The following ARHGEF38 variants were observed in gnomAD, a reference collection of about 807,000 sequenced individuals.
The protein encoded by ARHGEF38 is Rho guanine nucleotide exchange factor (GEF) 38.
ARHGEF38 carries 79 observed loss-of-function variants against 79.9 expected under a neutral mutation model. That is an observed-to-expected ratio of 0.99 (90% CI 0.82 to 1.19). The LOEUF (loss-of-function observed/expected upper bound fraction) is 1.19. ARHGEF38 is among the 50% of genes most tolerant of loss of function. ARHGEF38 has a pLI of 0.00. For synonymous variants in ARHGEF38, 366 were observed against 328.3 expected, an observed-to-expected ratio of 1.11 and a Z score of -1.24; for missense variants, 962 against 907.2, an observed-to-expected ratio of 1.06 and a Z score of -0.78.
At chr4:105,575,035 CA>C (rs1292008693) in intron 1 of ARHGEF38, among the ~76,000 whole-genome samples, 1 of 151,520 alleles carries the variant, frequency 6.6e-6, no homozygotes, top group Admixed American at 6.6e-5. Flanking sequence ...CACACACACA[CA>C]CCATATTTTC....
chr4:105,658,860 A>G (rs1407710517), intron 9 of ARHGEF38, among the ~76,000 whole-genome samples, 194 bp from the exon 10 acceptor site: 1 of 152,208 alleles, frequency 6.6e-6, no homozygotes, highest in Non-Finnish European at 1.5e-5. Context: ...GTTACAACCT[A>G]GAGCTCCTGT....
rs745866842 is a variant in ARHGEF38, at chr4:105,552,844, T to C, written c.79T>C (p.Tyr27His). 3.1e-6 allele frequency: 5 copies of C among 1,613,796 alleles called. No individual in the cohort carries two copies. The highest frequency in any genetic ancestry group is 2.2e-5 in the East Asian group (1 of 44,886). The change falls in exon 1 of 14, where the codon TAT (tyrosine) becomes CAT (histidine). Residue 27 changes from tyrosine (Y) to histidine (H), a missense_variant. Transcript: ENST00000420470. ...KNLAFLRSRL[Y>H]MLERRKTDTV... ...TCTGGCCTTCTTGAGGTCTAGACTC[T>C]ATATGCTGGAGAGAAGGAAGACTGA...
Position 105,667,129 on chromosome 4 carries a change from C to A in ARHGEF38, c.1690C>A (p.Pro564Thr). The A allele has an allele frequency of 2.0e-6, 3 of 1,528,680 alleles. No homozygotes were observed. Among genetic ancestry groups the A allele is most frequent in the Non-Finnish European group, 2.6e-6 (3 of 1,141,642 alleles). 94.7% of individuals were successfully genotyped at this position (1,528,680 alleles called of 1,614,324 possible). A position where few individuals can be genotyped will look rare whatever the true frequency, so the allele number is the denominator to read the frequency against. Residue 564 changes from proline (P) to threonine (T), a missense_variant and splice_region_variant, in exon 12 of 14, where the codon CCA becomes ACA. By Grantham distance (38) the Pro-to-Thr change is conservative (BLOSUM62 -1). Coordinates refer to ENST00000420470, the MANE Select transcript of ARHGEF38 (RefSeq NM_001242729.2). The part of the protein sequence containing the change: ...FEKKKPVQIL[P>T]EMPHQTDIHR... Reference sequence around the variant, plus strand: ...CAAAACTTCTCCTTATTTCTCCCAGCCAGAAATGCCACATCAAACTGACAT... The same window carrying A: ...CAAAACTTCTCCTTATTTCTCCCAGACAGAAATGCCACATCAAACTGACAT...
At chr4:105,618,824 AC>A (rs1302303743) in intron 3 of ARHGEF38, among the ~76,000 whole-genome samples, 1 of 152,156 alleles carries the variant, frequency 6.6e-6, no homozygotes, top group African/African-American at 2.4e-5. Context: ...ACATTGAGAA[AC>A]CTAGCAGAGG....
chr4:105,668,662 GTAGATAGATAGATAGA>G (rs10608366), intron 13 of ARHGEF38, among the ~76,000 whole-genome samples: 18 of 148,920 alleles, frequency 1.2e-4, no homozygotes, highest in East Asian at 7.9e-4. Context: ...ATGTATATGT[GTAGATAGATAGATAGA>G]TAGATAGATA....
At chr4:105,655,822 A>T (rs1730298571) in intron 9 of ARHGEF38, 100 bp downstream of exon 9, 1 of 1,268,564 alleles carries the variant, frequency 7.9e-7, no homozygotes, top group South Asian at 1.7e-5. Flanking sequence ...TAAAACATGC[A>T]CTAAAGCAAA....
intron 5 of ARHGEF38, among the ~76,000 whole-genome samples, chr4:105,636,875 G>C (rs911630622): frequency 6.6e-6 from 1 of 151,844 alleles, no homozygotes; most frequent in Non-Finnish European, 1.5e-5. Flanking sequence ...GATTTATGGA[G>C]AAAAAAATCA....
chr4:105,575,198 G>A (rs1239901269), intron 1 of ARHGEF38, among the ~76,000 whole-genome samples: 3 of 152,034 alleles, frequency 2.0e-5, no homozygotes, highest in Non-Finnish European at 2.9e-5. Flanking sequence ...TGGCTGGATC[G>A]AATGGTAGAT....
chr4:105,668,018 C>G (rs1730817321), intron 13 of ARHGEF38, among the ~76,000 whole-genome samples: 2 of 152,102 alleles, frequency 1.3e-5, no homozygotes. Flanking sequence ...TATACCCCCT[C>G]CATCAAAGAA....
intron 13 of ARHGEF38, among the ~76,000 whole-genome samples, chr4:105,669,933 T>G (rs1275090278): frequency 6.6e-6 from 1 of 152,128 alleles, no homozygotes; most frequent in East Asian, 1.9e-4. Flanking sequence ...TTAGCAAAAT[T>G]TATTGAGAGT....
At chr4:105,653,601 C>T (rs1230159061) in intron 7 of ARHGEF38, among the ~76,000 whole-genome samples, 2 of 152,000 alleles carry the variant, frequency 1.3e-5, no homozygotes, top group Admixed American at 6.6e-5. Flanking sequence ...GATTACAGGC[C>T]ACATTTATTT....
At chr4:105,590,277 G>C (rs374005343) in intron 2 of ARHGEF38, among the ~76,000 whole-genome samples, 6 of 152,094 alleles carry the variant, frequency 3.9e-5, no homozygotes, top group South Asian at 2.1e-4. Context: ...GAATGGTCCA[G>C]GCAAAGTGGA....
At chr4:105,553,066 T>C (rs1316045376) in intron 1 of ARHGEF38, 105 bp downstream of exon 1, 2 of 832,540 alleles carry the variant, frequency 2.4e-6, no homozygotes, top group Non-Finnish European at 3.6e-6. Context: ...GAAAATTGAA[T>C]ACCACCTCTC....
At chr4:105,553,687 C>T (rs36024005) in intron 1 of ARHGEF38, among the ~76,000 whole-genome samples, 22,506 of 152,112 alleles carry the variant, frequency 0.15, 1,807 homozygotes, top group African/African-American at 0.2. Flanking sequence ...TCCTATCTAT[C>T]CTTTCTTTCT....
In ARHGEF38 at chr4:105,679,398, C is replaced by T. The variant is rs558908621; in HGVS notation, c.*1461C>T. On this transcript the variant is annotated 3_prime_UTR_variant, in exon 14 of 14. Coordinates refer to ENST00000420470, the MANE Select transcript of ARHGEF38 (RefSeq NM_001242729.2). Reference sequence around the variant, plus strand: ...TCTGGTAATCTGAGACACTGCATTACTATTCAGCTTTCTAAGTTCTTTCCA... The same window carrying T: ...TCTGGTAATCTGAGACACTGCATTATTATTCAGCTTTCTAAGTTCTTTCCA... 3 of 1,452,842 alleles carry T rather than the reference C, an allele frequency of 2.1e-6. No individual in the cohort carries two copies. The highest frequency in any genetic ancestry group is 1.7e-5 in the Admixed American group (1 of 59,520). 90.0% of individuals were successfully genotyped at this position (1,452,842 alleles called of 1,614,324 possible).
In ARHGEF38 at chr4:105,673,219, A is replaced by T. The variant is rs530114172; in HGVS notation, c.2149-4533A>T. ...GGAGATTATATAGAACATGTACAAT[A>T]GGGGGTGGGATTCTTGGGGTCCATC... On this transcript the variant is annotated intron_variant, in intron 13 of 13. Coordinates refer to ENST00000420470, the MANE Select transcript of ARHGEF38 (RefSeq NM_001242729.2). Among the ~76,000 whole-genome samples, 27 of 152,200 alleles carry T rather than the reference A, an allele frequency of 1.8e-4. No individual in the cohort carries two copies. In the South Asian group the frequency reaches 5.2e-3, roughly 29 times the overall value.
At chr4:105,635,085 A>G (rs1327518035) in intron 4 of ARHGEF38, among the ~76,000 whole-genome samples, 2 of 152,284 alleles carry the variant, frequency 1.3e-5, no homozygotes, top group East Asian at 3.9e-4. Context: ...GAATAGTCAC[A>G]TAAAAACTTG....
Position 105,678,050 on chromosome 4 carries a change from T to A in ARHGEF38, c.*113T>A, listed in dbSNP as rs969949197. On this transcript the variant is annotated 3_prime_UTR_variant, in exon 14 of 14. Coordinates refer to ENST00000420470, the MANE Select transcript of ARHGEF38 (RefSeq NM_001242729.2). Reference sequence around the variant, plus strand: ...CAAGAAACCTCTGAACTACAGAAACTGATACTGTACTGGGTTTTCAGGAAT... The same window carrying A: ...CAAGAAACCTCTGAACTACAGAAACAGATACTGTACTGGGTTTTCAGGAAT... 1.2e-6 allele frequency: 1 copy of A among 863,064 alleles called. No individual in the cohort carries two copies. Among genetic ancestry groups the A allele is most frequent in the Non-Finnish European group, 1.7e-6 (1 of 588,832 alleles). 53.5% of individuals were successfully genotyped at this position (863,064 alleles called of 1,614,324 possible).
Position 105,618,272 on chromosome 4 carries a change from A to G in ARHGEF38, c.508+4765A>G, listed in dbSNP as rs868794602. 1.2e-3 allele frequency among the ~76,000 whole-genome samples: 184 copies of G among 152,350 alleles called. 2 individuals are homozygous for G. Among genetic ancestry groups the G allele is most frequent in the African/African-American group, 4.0e-3 (167 of 41,580 alleles). Reference sequence around the variant, plus strand: ...TGAATTATAACCCACAGAAATATCAATGAGTTCTTGCTGATATAAATAAAT... The same window carrying G: ...TGAATTATAACCCACAGAAATATCAGTGAGTTCTTGCTGATATAAATAAAT... On this transcript the variant is annotated intron_variant, in intron 3 of 13. Coordinates refer to ENST00000420470, the MANE Select transcript of ARHGEF38 (RefSeq NM_001242729.2).
Sources: gnomAD v4.1 joint callset for allele counts (sites outside exome capture counted in the v4.1 genomes callset) on GRCh38, gnomAD v4.1.1 for gene constraint, MANE v1.5 for transcripts, NCBI Gene and HGNC (gene_info 2026-07-23, HGNC 2026-07-21) for gene names.